FMNL3: variants seen among roughly 807,000 people sequenced by gnomAD.
The protein encoded by FMNL3 is formin-like protein 3.
FMNL3 carries 57 observed loss-of-function variants against 119.6 expected under a neutral mutation model. The ratio of observed to expected loss-of-function variants is 0.48; its 90% CI spans 0.39 to 0.59. The LOEUF (loss-of-function observed/expected upper bound fraction) is 0.59. Among genes scored for constraint, FMNL3 ranks in the 20% least tolerant of loss-of-function variants. The pLI is 0.00. For synonymous variants in FMNL3, 491 were observed against 507.3 expected, an observed-to-expected ratio of 0.97 and a Z score of 0.43; for missense variants, 1,053 against 1,323.5, an observed-to-expected ratio of 0.80 and a Z score of 3.17.
At chr12:49,705,164 C>T (rs1249584527) in intron 1 of FMNL3, among the ~76,000 whole-genome samples, 3 of 152,150 alleles carry the variant, frequency 2.0e-5, no homozygotes, top group Non-Finnish European at 4.4e-5. Context: ...CTGCCCTGTT[C>T]CAACCCTTCA....
Position 49,647,387 on chromosome 12 carries a change from G to A in FMNL3, c.2779-19C>T, listed in dbSNP as rs373534691. On this transcript the variant is annotated intron_variant, in intron 23 of 25. Transcript: ENST00000335154. The surrounding 1 kb of genome is among the most constrained non-coding windows in gnomAD (Gnocchi z 4.9). ...CTGCTTCCTAAGAGCCATGGAAGAT[G>A]GGGGGTGGGGAGTGAGGCTCATAGG... 1.9e-6 allele frequency: 3 copies of A among 1,607,642 alleles called. No individual in the cohort carries two copies. The highest frequency in any genetic ancestry group is 2.2e-5 in the East Asian group (1 of 44,884).
Position 49,654,317 on chromosome 12 carries a change from G to A in FMNL3, c.961-15C>T. ...ATGCAGGCCACCTGAAGAAGAGGAG[G>A]CCCAGAGAAGCAGCAACAGGAAGGG... On this transcript the variant is annotated splice_polypyrimidine_tract_variant and intron_variant, in intron 10 of 25. Transcript: ENST00000335154. 6.2e-7 allele frequency: 1 copy of A among 1,608,474 alleles called. No homozygotes were observed. Among genetic ancestry groups the A allele is most frequent in the Non-Finnish European group, 8.5e-7 (1 of 1,175,212 alleles).
chr12:49,668,370 C>A, intron 2 of FMNL3, 101 bp downstream of exon 2: 1 of 1,064,176 alleles, frequency 9.4e-7, no homozygotes, highest in Non-Finnish European at 1.4e-6. Flanking sequence ...GGCCAGGGTT[C>A]CTCAAGGAAC....
chr12:49,651,944 G>A lies in FMNL3; in HGVS notation c.1592C>T (p.Pro531Leu). ...PPAPPLPPPP[P>L]PLPDKCPPAP... The stretch of plus-strand genomic sequence containing the variant: ...GTCGTCGTGGTTACCTGGTAATGGG[G>A]GAGGTGGAGGGGGCAAGGGCGGAGC... The change falls in exon 14 of 26, where the codon CCC (proline) becomes CTC (leucine). Residue 531 changes from proline to leucine, a missense_variant. Physicochemically the swap from Pro to Leu is moderately conservative, Grantham distance 98. This residue lies in a region of FMNL3 where 445 missense variants were observed against 628.4 expected (regional missense o/e 0.71). Transcript: ENST00000335154. 1.3e-6 allele frequency: 2 copies of A among 1,592,562 alleles called. No homozygotes were observed. The highest frequency in any genetic ancestry group is 1.7e-6 in the Non-Finnish European group (2 of 1,167,072).
intron 10 of FMNL3, 136 bp from the exon 11 acceptor site, chr12:49,654,438 A>G (rs1456250309): frequency 1.6e-5 from 10 of 628,624 alleles, no homozygotes; most frequent in Non-Finnish European, 2.5e-5. Flanking sequence ...TTAAGTCTTT[A>G]TGGGGGCAAT....
At chr12:49,648,451 G>A in intron 21 of FMNL3, 98 bp from the exon 22 acceptor site, 1 of 1,315,860 alleles carries the variant, frequency 7.6e-7, no homozygotes, top group South Asian at 1.5e-5. Flanking sequence ...CCTCAGCATG[G>A]GCTCACTCAG....
chr12:49,657,796 G>T (rs2138791347), intron 6 of FMNL3, among the ~76,000 whole-genome samples: 1 of 152,336 alleles, frequency 6.6e-6, no homozygotes, highest in East Asian at 1.9e-4. Flanking sequence ...TAGGAGGAAA[G>T]CATGGCCACA....
rs1592599701 is a variant in FMNL3 at position 49,637,165 on chromosome 12, C to T, written c.*8650G>A. ...ACCCGACAGGCAGAGTTTATTCCCT[C>T]AGCTTGGGGGTGGCAGTGGTGGTGG... On this transcript the variant is annotated 3_prime_UTR_variant, in exon 26 of 26. Coordinates refer to ENST00000335154, the MANE Select transcript of FMNL3 (RefSeq NM_175736.5). The T allele has an allele frequency of 8.7e-6, 5 of 573,022 alleles. No individual in the cohort carries two copies. In the East Asian group the frequency reaches 1.5e-4, roughly 17 times the overall value. 35.5% of individuals were successfully genotyped at this position (573,022 alleles called of 1,614,324 possible). A position where few individuals can be genotyped will look rare whatever the true frequency, so the allele number is the denominator to read the frequency against.
At chr12:49,653,121 A>T in intron 13 of FMNL3, 105 bp downstream of exon 13, 1 of 1,049,794 alleles carries the variant, frequency 9.5e-7, no homozygotes, top group South Asian at 1.3e-5. Flanking sequence ...GTGAATCAAG[A>T]TCTAAATCCT....
rs1269076936 is a variant in FMNL3, at chr12:49,643,248, T to G, written c.*2567A>C. 1.2e-6 allele frequency: 2 copies of G among 1,614,106 alleles called. No individual in the cohort carries two copies. The highest frequency in any genetic ancestry group is 1.7e-6 in the Non-Finnish European group (2 of 1,180,014). ...GGCTCTGAGTCAGAAGAAGAGGAGCTGCCCCCACCATCTCTCCGGCCCCCC... is the reference window on the plus strand; with the variant it reads ...GGCTCTGAGTCAGAAGAAGAGGAGCGGCCCCCACCATCTCTCCGGCCCCCC... On this transcript the variant is annotated 3_prime_UTR_variant, in exon 26 of 26. Coordinates refer to ENST00000335154, the MANE Select transcript of FMNL3 (RefSeq NM_175736.5).
At position 49,707,237 on chromosome 12, in the gene FMNL3, G is replaced by C. The variant is rs948451341; in HGVS notation, c.-57C>G. The C allele has an allele frequency of 7.2e-7, 1 of 1,391,416 alleles. No individual in the cohort carries two copies. The highest frequency in any genetic ancestry group is 1.5e-5 in the African/African-American group (1 of 66,144). The allele number at this position is 1,391,416 out of a possible 1,614,324, so 86.2% of individuals were successfully genotyped here. ...CCCACCTCCACGCTCCGGAGCTTTCGGCTCCGCGGCTCCGACCAGGCTCCT... is the reference window on the plus strand; with the variant it reads ...CCCACCTCCACGCTCCGGAGCTTTCCGCTCCGCGGCTCCGACCAGGCTCCT... On this transcript the variant is annotated 5_prime_UTR_variant, in exon 1 of 26. Coordinates refer to ENST00000335154, the MANE Select transcript of FMNL3 (RefSeq NM_175736.5).
chr12:49,675,286 ATCTG>A (rs1012937587), intron 1 of FMNL3, among the ~76,000 whole-genome samples: 1 of 152,188 alleles, frequency 6.6e-6, no homozygotes, highest in African/African-American at 2.4e-5. Context: ...CAGCAACTTG[ATCTG>A]TCTATTGGCT....
At chr12:49,659,081 AG>A (rs1190795676) in intron 5 of FMNL3, among the ~76,000 whole-genome samples, 1 of 152,248 alleles carries the variant, frequency 6.6e-6, no homozygotes, top group Non-Finnish European at 1.5e-5. Flanking sequence ...AGTGCTTTGA[AG>A]GAGTCCAGTT....
chr12:49,691,181 TAAC>T (rs769228347), intron 1 of FMNL3, among the ~76,000 whole-genome samples: 5 of 152,248 alleles, frequency 3.3e-5, no homozygotes, highest in Non-Finnish European at 7.3e-5. Flanking sequence ...AAAATGGAGA[TAAC>T]AAGTACTTCA....
chr12:49,702,925 G>GC (rs1944948580), intron 1 of FMNL3, among the ~76,000 whole-genome samples: 1 of 152,138 alleles, frequency 6.6e-6, no homozygotes, highest in Admixed American at 6.5e-5. Flanking sequence ...GTCAAAGGAG[G>GC]CCCCTCAAAG....
At chr12:49,690,673 AAGG>A (rs1944577880) in intron 1 of FMNL3, among the ~76,000 whole-genome samples, 1 of 152,200 alleles carries the variant, frequency 6.6e-6, no homozygotes, top group East Asian at 1.9e-4. Flanking sequence ...CCTCTTAGCA[AAGG>A]AGAACTTGTT....
In FMNL3 at chr12:49,704,963, C is replaced by T. The variant is rs550534368; in HGVS notation, c.126+2092G>A. On this transcript the variant is annotated intron_variant, in intron 1 of 25. Coordinates refer to ENST00000335154, the MANE Select transcript of FMNL3 (RefSeq NM_175736.5). ...TTCAGGAAATACCCCTAAGCCTGTA[C>T]CTGGGTCAAACACCTGACTCAGTCA... 5.9e-5 allele frequency among the ~76,000 whole-genome samples: 9 copies of T among 152,276 alleles called. No homozygotes were observed. The South Asian group carries it at 1.7e-3, about 28-fold the overall frequency.
chr12:49,707,018 G>C, intron 1 of FMNL3, 37 bp downstream of exon 1: 1 of 1,553,118 alleles, frequency 6.4e-7, no homozygotes, highest in Non-Finnish European at 8.7e-7. Context: ...GACCTGAGGG[G>C]CGGTACGCGG....
rs1274318018 is a variant in FMNL3 at position 49,645,817 on chromosome 12, A to C, written c.3082T>G (p.Ter1028GlyextTer55). 1 of 1,599,860 alleles carries C rather than the reference A, an allele frequency of 6.3e-7. No homozygotes were observed. The highest frequency in any genetic ancestry group is 8.5e-7 in the Non-Finnish European group (1 of 1,175,506). The change falls in exon 26 of 26, where the codon TGA becomes GGA. Residue 1028 changes from the stop codon to glycine (G), a stop_lost. Transcript: ENST00000335154. ...GTGCTTCTGCCTCCGAGAGGGTCTC[A>C]GTGGGGGCCTGGAGCCCGAGGGGGA... ...SGPPRAPGPH[*>G] is the part of the protein sequence containing the mutation.
Sources: gnomAD v4.1 joint callset for allele counts (sites outside exome capture counted in the v4.1 genomes callset) on GRCh38, gnomAD v4.1.1 for gene constraint, gnomAD v4.1.1 regional missense constraint, Gnocchi (gnomAD v3.1) non-coding constraint, MANE v1.5 for transcripts, NCBI Gene and HGNC (gene_info 2026-07-23, HGNC 2026-07-21) for gene names.